Variants in SERPINF1 observed in about 807,000 individuals in gnomAD.
The protein encoded by SERPINF1 is serpin family F member 1.
A neutral mutation model predicts 37.3 loss-of-function variants in SERPINF1; 29 were observed. The observed-to-expected ratio is 0.78, with a 90% CI of 0.58 to 1.06. SERPINF1 has a LOEUF of 1.06. SERPINF1 is among the 50% of genes least tolerant of loss of function. The probability of loss-of-function intolerance (pLI) is 0.00; values close to 1 mark genes in which losing one functional copy is unlikely to be tolerated. For missense variants in SERPINF1, 553 were observed against 532.2 expected, an observed-to-expected ratio of 1.04 and a Z score of -0.38; for synonymous variants, 281 against 227.9, an observed-to-expected ratio of 1.23 and a Z score of -2.10.
Position 1,776,739 on chromosome 17 carries a change from A to G in SERPINF1, c.994A>G (p.Met332Val), listed in dbSNP as rs774733616. Residue 332 changes from methionine to valine, a missense_variant, in exon 7 of 8, where the codon ATG becomes GTG. Coordinates refer to ENST00000254722, the MANE Select transcript of SERPINF1 (RefSeq NM_002615.7). ...EGEVTKSLQE[M>V]KLQSLFDSPD... is the part of the protein sequence containing the mutation. ...CGAAGTCACCAAGTCCCTGCAGGAG[A>G]TGAGTATGTCTGAAGACCCTTTCGC... 1.9e-6 allele frequency: 3 copies of G among 1,612,890 alleles called. No homozygotes were observed. Among genetic ancestry groups the G allele is most frequent in the Non-Finnish European group, 1.7e-6 (2 of 1,179,602 alleles).
chr17:1,762,590 A>G (rs1907150481), intron 1 of SERPINF1, among the ~76,000 whole-genome samples: 1 of 152,148 alleles, frequency 6.6e-6, no homozygotes, highest in African/African-American at 2.4e-5. Flanking sequence ...ACTTTTTCAA[A>G]ATCAGCTGGT....
rs115672275 is a variant in SERPINF1, at chr17:1,776,714, C to T, written c.969C>T (p.Gly323=). The change falls in exon 7 of 8, where the codon GGC becomes GGT. Residue 323 remains glycine (G), a synonymous_variant. Coordinates refer to ENST00000254722, the MANE Select transcript of SERPINF1 (RefSeq NM_002615.7). ...CCAAGCTGAAGCTGAGTTATGAAGGCGAAGTCACCAAGTCCCTGCAGGAGA... is the reference window on the plus strand; with the variant it reads ...CCAAGCTGAAGCTGAGTTATGAAGGTGAAGTCACCAAGTCCCTGCAGGAGA... The part of the protein sequence containing the change: ...TVPKLKLSYE[G]EVTKSLQEMK... 8.0e-4 allele frequency: 1,283 copies of T among 1,612,944 alleles called. 7 individuals carry two copies. The African/African-American group carries it at 0.014, about 17-fold the overall frequency.
chr17:1,772,014 G>T lies in SERPINF1; in HGVS notation c.582G>T (p.Arg194Ser), dbSNP rs770309070. The T allele has an allele frequency of 1.2e-6, 2 of 1,613,788 alleles. No homozygotes were observed. Among genetic ancestry groups the T allele is most frequent in the South Asian group, 2.2e-5 (2 of 91,062 alleles). Residue 194 changes from arginine (R) to serine (S), a missense_variant, in exon 5 of 8, where the codon AGG becomes AGT. Transcript: ENST00000254722. ...CGCAGATGAAAGGGAAGCTCGCCAG[G>T]TCCACAAAGGAAATTCCCGATGAGA... Reference protein sequence around the residue: ...VQAQMKGKLARSTKEIPDEIS... With the variant: ...VQAQMKGKLASSTKEIPDEIS...
In SERPINF1 at chr17:1,771,208, T is replaced by TTGCCTGAGGCATGTGGGCTCCATGC. The variant is rs1907713656; in HGVS notation, c.439+28_439+52dup. 3 of 1,609,790 alleles carry TTGCCTGAGGCATGTGGGCTCCATGC rather than the reference T, an allele frequency of 1.9e-6. No homozygotes were observed. The East Asian group carries it at 6.7e-5, about 36-fold the overall frequency. On this transcript the variant is annotated intron_variant, in intron 4 of 7. Transcript: ENST00000254722. ...GAGTGAGTCGCCTTTGCAGCCCAAGTTGCCTGAGGCATGTGGGCTCCATGC... is the reference window on the plus strand; with the variant it reads ...GAGTGAGTCGCCTTTGCAGCCCAAGTTGCCTGAGGCATGTGGGCTCCATGCTGCCTGAGGCATGTGGGCTCCATGC...
chr17:1,775,423 G>A (rs908912088), intron 6 of SERPINF1, among the ~76,000 whole-genome samples: 9 of 152,172 alleles, frequency 5.9e-5, no homozygotes, highest in East Asian at 1.9e-4. Flanking sequence ...TTGTAAGGAC[G>A]AATAAGGTAA....
chr17:1,777,327 G>A lies in SERPINF1; in HGVS notation c.1138G>A (p.Ala380Thr), dbSNP rs1167117056. The A allele has an allele frequency of 3.1e-6, 5 of 1,614,002 alleles. No homozygotes were observed. In the South Asian group the frequency reaches 5.5e-5, roughly 18 times the overall value. The part of the protein sequence containing the change: ...GTTPSPGLQP[A>T]HLTFPLDYHL... ...CACCCCCAGCCCAGGGCTGCAGCCT[G>A]CCCACCTCACCTTCCCGCTGGACTA... The change falls in exon 8 of 8, where the codon GCC becomes ACC. Residue 380 changes from alanine (A) to threonine (T), a missense_variant. Physicochemically the swap from Ala to Thr is moderately conservative, Grantham distance 58. Coordinates refer to ENST00000254722, the MANE Select transcript of SERPINF1 (RefSeq NM_002615.7).
In SERPINF1 at chr17:1,766,984, C is replaced by G; in HGVS notation, c.74C>G (p.Pro25Arg). 2.6e-6 allele frequency: 4 copies of G among 1,554,992 alleles called. No individual in the cohort carries two copies. The highest frequency in any genetic ancestry group is 2.6e-6 in the Non-Finnish European group (3 of 1,148,934). Residue 25 changes from proline to arginine, a missense_variant, in exon 2 of 8, where the codon CCC (proline) becomes CGC (arginine). Coordinates refer to ENST00000254722, the MANE Select transcript of SERPINF1 (RefSeq NM_002615.7). ...GHSSCQNPAS[P>R]PEEGSPDPDS... ...AGCAGCTGCCAGAACCCTGCCAGCC[C>G]CCCGGAGGAGGTCAGTAGGCAGGCG...
intron 6 of SERPINF1, among the ~76,000 whole-genome samples, chr17:1,775,520 T>C (rs139378801): frequency 6.6e-5 from 10 of 151,410 alleles, no homozygotes; most frequent in Admixed American, 3.3e-4. Context: ...CTTTGAAAAA[T>C]AATGACAAAC....
In SERPINF1 at chr17:1,766,915, A is replaced by G. The variant is rs866265523; in HGVS notation, c.5A>G (p.Gln2Arg). 6.4e-7 allele frequency: 1 copy of G among 1,560,800 alleles called. No homozygotes were observed. Among genetic ancestry groups the G allele is most frequent in the African/African-American group, 1.4e-5 (1 of 73,684 alleles). M[Q>R]ALVLLLCIGA... ...TCTTTTCTTGCAGGCCCCAGGATGC[A>G]GGCCCTGGTGCTACTCCTCTGCATT... The change falls in exon 2 of 8, where the codon CAG (glutamine) becomes CGG (arginine). Residue 2 changes from glutamine (Q) to arginine (R), a missense_variant. Physicochemically the swap from Gln to Arg is conservative, Grantham distance 43 (BLOSUM62 1). Coordinates refer to ENST00000254722, the MANE Select transcript of SERPINF1 (RefSeq NM_002615.7).
intron 1 of SERPINF1, among the ~76,000 whole-genome samples, chr17:1,763,961 A>C (rs2151203453): frequency 6.6e-6 from 1 of 152,346 alleles, no homozygotes; most frequent in South Asian, 2.1e-4. Flanking sequence ...ATGCTGGTGG[A>C]TCACCTGAGA....
At chr17:1,765,917 C>T (rs1907343051) in intron 1 of SERPINF1, among the ~76,000 whole-genome samples, 1 of 151,508 alleles carries the variant, frequency 6.6e-6, no homozygotes, top group African/African-American at 2.4e-5. Flanking sequence ...GGATCTCTGA[C>T]CCTAGGCCCT....
chr17:1,766,881 C>T, intron 1 of SERPINF1, 22 bp from the exon 2 acceptor site: 8 of 1,549,050 alleles, frequency 5.2e-6, no homozygotes, highest in Non-Finnish European at 7.0e-6. Context: ...GAGCGGCTTG[C>T]TGCCTCGTTC....
chr17:1,765,209 C>T (rs1167200350), intron 1 of SERPINF1, among the ~76,000 whole-genome samples: 1 of 149,352 alleles, frequency 6.7e-6, no homozygotes, highest in Non-Finnish European at 1.5e-5. Context: ...GTGGTGCGAT[C>T]TTGGCTCACT....
chr17:1,762,180 C>G (rs1907132015), intron 1 of SERPINF1, 67 bp downstream of exon 1: 1 of 152,380 alleles, frequency 6.6e-6, no homozygotes, highest in Non-Finnish European at 1.5e-5. Flanking sequence ...GCTGGGGGGA[C>G]AGGGGAGAGG....
chr17:1,770,867 C>CT (rs776533259), intron 3 of SERPINF1, 162 bp from the exon 4 acceptor site: 1 of 885,376 alleles, frequency 1.1e-6, no homozygotes, highest in Non-Finnish European at 1.8e-6. Context: ...AGGAAAATCT[C>CT]TAAGGATGAA....
intron 1 of SERPINF1, among the ~76,000 whole-genome samples, chr17:1,765,604 G>A (rs1005947309): frequency 6.6e-6 from 1 of 152,148 alleles, no homozygotes; most frequent in African/African-American, 2.4e-5. Flanking sequence ...TTACAGGCAT[G>A]AGCCACTGTG....
chr17:1,769,803 T>C (rs372035321), intron 2 of SERPINF1, 49 bp from the exon 3 acceptor site: 2 of 1,596,996 alleles, frequency 1.3e-6, no homozygotes, highest in Admixed American at 3.3e-5. Context: ...TCCCTGTGCA[T>C]CTCTGCGAGT....
intron 5 of SERPINF1, among the ~76,000 whole-genome samples, chr17:1,772,851 A>G (rs750076347): frequency 2.6e-5 from 4 of 151,634 alleles, no homozygotes; most frequent in Admixed American, 6.6e-5. Flanking sequence ...CGGCCCTTTT[A>G]CATTTATTTT....
At chr17:1,768,430 CA>C (rs71150813) in intron 2 of SERPINF1, among the ~76,000 whole-genome samples, 12,508 of 91,690 alleles carry the variant, frequency 0.14, 1,177 homozygotes, top group African/African-American at 0.31. Flanking sequence ...GACTCCGTCT[CA>C]AAAAAAAAAA....
Sources: gnomAD v4.1 joint callset for allele counts (sites outside exome capture counted in the v4.1 genomes callset) on GRCh38, gnomAD v4.1.1 for gene constraint, MANE v1.5 for transcripts, NCBI Gene and HGNC (gene_info 2026-07-23, HGNC 2026-07-21) for gene names.